SLCO5A1: variants seen among roughly 807,000 people sequenced by gnomAD.
SLCO5A1 encodes the protein solute carrier organic anion transporter family member 5A1, also known as organic anion transporter polypeptide-related protein 4.
In SLCO5A1, 39 loss-of-function variants were observed where a neutral mutation model predicts 65.1. That is an observed-to-expected ratio of 0.60 (90% CI 0.46 to 0.78). The LOEUF is 0.78. SLCO5A1 is among the 30% of genes least tolerant of loss of function. The pLI is 0.00. For synonymous variants in SLCO5A1, 438 were observed against 415.7 expected (o/e 1.05, Z -0.65); for missense variants, 1,029 against 1,069.4 (o/e 0.96, Z 0.53).
In SLCO5A1 at chr8:69,670,033, A is replaced by C. The variant is rs769163468; in HGVS notation, c.*2836T>G. Reference sequence around the variant, plus strand: ...GAATTAAATCCACCTATAAAGAATAAGGACTTAATGCTAATGAAAATAACC... The same window carrying C: ...GAATTAAATCCACCTATAAAGAATACGGACTTAATGCTAATGAAAATAACC... On this transcript the variant is annotated 3_prime_UTR_variant, in exon 10 of 10. Coordinates refer to ENST00000260126, the MANE Select transcript of SLCO5A1 (RefSeq NM_030958.3). 6.6e-6 allele frequency: 1 copy of C among 152,224 alleles called. No individual in the cohort carries two copies. Among genetic ancestry groups the C allele is most frequent in the African/African-American group, 2.4e-5 (1 of 41,464 alleles). The allele number at this position is 152,224 out of a possible 1,614,324, so 9.4% of individuals were successfully genotyped here. A position where few individuals can be genotyped will look rare whatever the true frequency, so the allele number is the denominator to read the frequency against.
At chr8:69,752,104 G>A (rs996275752) in intron 4 of SLCO5A1, among the ~76,000 whole-genome samples, 7 of 152,098 alleles carry the variant, frequency 4.6e-5, no homozygotes, top group African/African-American at 1.7e-4. Context: ...GGTGGCACAG[G>A]CCTGTAGCCC....
chr8:69,707,973 G>T (rs1379288348), intron 5 of SLCO5A1, among the ~76,000 whole-genome samples: 1 of 152,172 alleles, frequency 6.6e-6, no homozygotes, highest in Non-Finnish European at 1.5e-5. Flanking sequence ...CAAAGAGCTG[G>T]CTGGGGGATT....
chr8:69,818,551 T>C (rs1563372996), intron 2 of SLCO5A1, among the ~76,000 whole-genome samples: 1 of 152,190 alleles, frequency 6.6e-6, no homozygotes, highest in East Asian at 1.9e-4. Flanking sequence ...TAAAACCCTA[T>C]TTGAAAACTC....
chr8:69,815,920 G>A (rs1369503983), intron 2 of SLCO5A1, among the ~76,000 whole-genome samples: 1 of 152,030 alleles, frequency 6.6e-6, no homozygotes, highest in Non-Finnish European at 1.5e-5. Context: ...AGTATCTACT[G>A]AGCAACAATG....
At position 69,672,599 on chromosome 8, in the gene SLCO5A1, T is replaced by G. The variant is rs1047552820; in HGVS notation, c.*270A>C. 2.4e-5 allele frequency: 11 copies of G among 457,492 alleles called. No homozygotes were observed. The East Asian group carries it at 2.6e-4, about 11-fold the overall frequency. 28.3% of individuals were successfully genotyped at this position (457,492 alleles called of 1,614,324 possible). ...TAACCGTGTACCTCAGCCTGTACCG[T>G]AGGGGAGCATGAGCTTTGAATTAAC... On this transcript the variant is annotated 3_prime_UTR_variant, in exon 10 of 10. Transcript: ENST00000260126.
chr8:69,675,177 C>CT (rs772773985), intron 9 of SLCO5A1, among the ~76,000 whole-genome samples: 277 of 142,836 alleles, frequency 1.9e-3, no homozygotes, highest in Admixed American at 1.7e-3. Flanking sequence ...ATAAGACTGA[C>CT]TTTTTTTTTT....
intron 2 of SLCO5A1, among the ~76,000 whole-genome samples, chr8:69,766,148 G>C (rs910551160): frequency 2.6e-5 from 4 of 152,012 alleles, no homozygotes; most frequent in African/African-American, 9.7e-5. Context: ...TAATACTCTG[G>C]TCCAGGCTCA....
rs1460172368 is a variant in SLCO5A1 at position 69,793,430 on chromosome 8, T to A, written c.908-31555A>T. Among the ~76,000 whole-genome samples the A allele has an allele frequency of 3.3e-5, 5 of 152,210 alleles. No homozygotes were observed. In the South Asian group the frequency reaches 8.3e-4, roughly 25 times the overall value. ...CAGAGATGGCTACTTTCACACATGTTTATCCTTTGAGTCTTTTTTTTCCTA... is the reference window on the plus strand; with the variant it reads ...CAGAGATGGCTACTTTCACACATGTATATCCTTTGAGTCTTTTTTTTCCTA... On this transcript the variant is annotated intron_variant, in intron 2 of 9. Coordinates refer to ENST00000260126, the MANE Select transcript of SLCO5A1 (RefSeq NM_030958.3).
intron 1 of SLCO5A1, chr8:69,834,268 G>C (rs1355884845): frequency 1.3e-5 from 2 of 152,786 alleles, no homozygotes; most frequent in East Asian, 3.8e-4. Flanking sequence ...GGGCAAGGAC[G>C]GGGGGCGGAA....
chr8:69,822,048 C>T (rs889882628), intron 2 of SLCO5A1, among the ~76,000 whole-genome samples: 3 of 152,020 alleles, frequency 2.0e-5, no homozygotes, highest in Non-Finnish European at 4.4e-5. Context: ...ATCACTTGAA[C>T]CAGGGAAGCA....
At chr8:69,719,672 T>C (rs564131470) in intron 5 of SLCO5A1, 2 of 152,340 alleles carry the variant, frequency 1.3e-5, no homozygotes, top group African/African-American at 4.8e-5. Context: ...CCTCATATTT[T>C]GTAGGCTCTG....
chr8:69,808,679 T>C (rs1300208947), intron 2 of SLCO5A1, among the ~76,000 whole-genome samples: 1 of 152,228 alleles, frequency 6.6e-6, no homozygotes, highest in Non-Finnish European at 1.5e-5. Flanking sequence ...TTTGAGTTTA[T>C]ACCCAGTAAT....
rs147754202 is a variant in SLCO5A1 at position 69,679,214 on chromosome 8, G to C, written c.2024+164C>G. Among the ~76,000 whole-genome samples, 67 of 152,272 alleles carry C rather than the reference G, an allele frequency of 4.4e-4. 1 individual carries two copies. The South Asian group carries it at 7.3e-3, about 17-fold the overall frequency. ...CAACCTTTCTTTCCCTTCCCAACAG[G>C]GAAAAATCCCTCCTAAGTTCACCAG... On this transcript the variant is annotated intron_variant, in intron 8 of 9. Coordinates refer to ENST00000260126, the MANE Select transcript of SLCO5A1 (RefSeq NM_030958.3).
intron 1 of SLCO5A1, 96 bp downstream of exon 1, chr8:69,834,758 A>ACACACG (rs1821349851): frequency 6.6e-6 from 1 of 152,100 alleles, no homozygotes; most frequent in Non-Finnish European, 1.5e-5. Context: ...ACACACACAC[A>ACACACG]CACACACACA....
chr8:69,697,381 T>G (rs569555448), intron 6 of SLCO5A1, among the ~76,000 whole-genome samples: 20 of 152,216 alleles, frequency 1.3e-4, no homozygotes, highest in South Asian at 6.2e-4. Flanking sequence ...CAGAGCGAGA[T>G]TCTGTTTCCA....
intron 2 of SLCO5A1, among the ~76,000 whole-genome samples, chr8:69,771,459 C>A (rs116243836): frequency 0.046 from 6,967 of 152,200 alleles, 328 homozygotes; most frequent in African/African-American, 0.12. Context: ...TTATTTGTAG[C>A]AATTATCTTG....
intron 5 of SLCO5A1, among the ~76,000 whole-genome samples, chr8:69,722,933 T>C (rs963130803): frequency 6.6e-6 from 1 of 152,310 alleles, no homozygotes; most frequent in Middle Eastern, 3.4e-3. Flanking sequence ...TCTTGATGCA[T>C]AATTTAGCCA....
At chr8:69,781,341 G>A (rs540528464) in intron 2 of SLCO5A1, among the ~76,000 whole-genome samples, 1 of 152,220 alleles carries the variant, frequency 6.6e-6, no homozygotes, top group African/African-American at 2.4e-5. Context: ...ACATTTGAGT[G>A]ATATAAACCC....
intron 6 of SLCO5A1, among the ~76,000 whole-genome samples, chr8:69,700,990 A>G (rs1040319109): frequency 1.3e-5 from 2 of 152,146 alleles, no homozygotes; most frequent in African/African-American, 4.8e-5. Flanking sequence ...GGATCAATAC[A>G]GAGAGAGGCA....
Sources: gnomAD v4.1 joint callset for allele counts (sites outside exome capture counted in the v4.1 genomes callset) on GRCh38, gnomAD v4.1.1 for gene constraint, MANE v1.5 for transcripts, NCBI Gene and HGNC (gene_info 2026-07-23, HGNC 2026-07-21) for gene names.